Variants in ALPK1 observed in about 807,000 individuals in gnomAD.
ALPK1 encodes the protein alpha kinase 1.
A neutral mutation model predicts 120.6 loss-of-function variants in ALPK1; 110 were observed. The ratio of observed to expected loss-of-function variants is 0.91; its 90% CI spans 0.78 to 1.07. The LOEUF is 1.07. Among genes scored for constraint, ALPK1 ranks in the 50% least tolerant of loss-of-function variants. The probability of loss-of-function intolerance (pLI) is 0.00; values close to 1 mark genes in which losing one functional copy is unlikely to be tolerated. For missense variants in ALPK1, 1,498 were observed against 1,483.9 expected (o/e 1.01, Z -0.16); for synonymous variants, 582 against 560.3 (o/e 1.04, Z -0.55).
At chr4:112,435,481 C>T (rs2301714) in intron 12 of ALPK1, among the ~76,000 whole-genome samples, 180 bp downstream of exon 12, 43,677 of 151,930 alleles carry the variant, frequency 0.29, 6,681 homozygotes, top group East Asian at 0.42. Context: ...ATATTGAGGA[C>T]CCACGTTACA....
At chr4:112,321,828 T>C (rs530301618) in intron 2 of ALPK1, among the ~76,000 whole-genome samples, 2 of 152,330 alleles carry the variant, frequency 1.3e-5, no homozygotes, top group East Asian at 3.9e-4. Flanking sequence ...TTCCACAAAA[T>C]TTTCCATTTT....
At chr4:112,384,324 A>T (rs905974803) in intron 4 of ALPK1, 3 of 152,188 alleles carry the variant, frequency 2.0e-5, no homozygotes, top group African/African-American at 7.2e-5. Flanking sequence ...ATCCAGTAAC[A>T]CTTTTTGTAT....
chr4:112,380,498 T>G (rs1037560830), intron 3 of ALPK1, among the ~76,000 whole-genome samples: 1 of 152,188 alleles, frequency 6.6e-6, no homozygotes, highest in Non-Finnish European at 1.5e-5. Context: ...TGATATCCCC[T>G]CAATGCCAAA....
chr4:112,324,703 G>C (rs375147380), intron 2 of ALPK1, among the ~76,000 whole-genome samples: 10 of 151,846 alleles, frequency 6.6e-5, no homozygotes, highest in African/African-American at 2.4e-4. Context: ...CTTCAAACTC[G>C]TGGCTTCAAA....
At chr4:112,306,672 C>T (rs1728077272) in intron 1 of ALPK1, among the ~76,000 whole-genome samples, 2 of 149,868 alleles carry the variant, frequency 1.3e-5, no homozygotes, top group Admixed American at 6.7e-5. Context: ...AGTGGTCTAT[C>T]AATTTTGTTG....
chr4:112,392,108 A>G (rs1379013132), intron 4 of ALPK1, among the ~76,000 whole-genome samples: 1 of 152,054 alleles, frequency 6.6e-6, no homozygotes, highest in Non-Finnish European at 1.5e-5. Flanking sequence ...AAAACATATC[A>G]CTCTTCCCAC....
At chr4:112,353,359 C>T (rs1408181204) in intron 2 of ALPK1, among the ~76,000 whole-genome samples, 1 of 152,102 alleles carries the variant, frequency 6.6e-6, no homozygotes, top group African/African-American at 2.4e-5. Flanking sequence ...AACTGTGTCA[C>T]TATAAAGATT....
At chr4:112,311,105 G>T (rs534789209) in intron 1 of ALPK1, among the ~76,000 whole-genome samples, 2 of 152,142 alleles carry the variant, frequency 1.3e-5, no homozygotes, top group Non-Finnish European at 2.9e-5. Flanking sequence ...ACAAAAAAGC[G>T]CTCACTTGGA....
At chr4:112,303,890 C>A (rs1727902004) in intron 1 of ALPK1, among the ~76,000 whole-genome samples, 1 of 152,050 alleles carries the variant, frequency 6.6e-6, no homozygotes, top group South Asian at 2.1e-4. Context: ...CTAATGCTAT[C>A]CCTCCCCCAT....
intron 6 of ALPK1, chr4:112,425,256 G>A (rs1277435649): frequency 1.3e-5 from 2 of 159,674 alleles, no homozygotes; most frequent in African/African-American, 2.4e-5. Flanking sequence ...ATAAGACAGT[G>A]GGGGTAACAG....
chr4:112,340,788 G>C (rs956029214), intron 2 of ALPK1, among the ~76,000 whole-genome samples: 2 of 152,182 alleles, frequency 1.3e-5, no homozygotes, highest in Non-Finnish European at 2.9e-5. Context: ...TATGAGATTT[G>C]ATCAGTTTTT....
intron 2 of ALPK1, among the ~76,000 whole-genome samples, chr4:112,334,162 G>C (rs1729511284): frequency 6.6e-6 from 1 of 152,136 alleles, no homozygotes; most frequent in Admixed American, 6.5e-5. Flanking sequence ...GCCAGGCTCA[G>C]TGGCTCACGC....
At chr4:112,330,828 C>T (rs959642291) in intron 2 of ALPK1, among the ~76,000 whole-genome samples, 1 of 152,200 alleles carries the variant, frequency 6.6e-6, no homozygotes, top group Admixed American at 6.5e-5. Flanking sequence ...CTATAGCATC[C>T]TTGGCCAGAG....
Position 112,439,292 on chromosome 4 carries a change from A to C in ALPK1, c.3352-394A>C, listed in dbSNP as rs1392402576. Among the ~76,000 whole-genome samples, 3 of 152,168 alleles carry C rather than the reference A, an allele frequency of 2.0e-5. No homozygotes were observed. The East Asian group carries it at 5.8e-4, about 29-fold the overall frequency. On this transcript the variant is annotated intron_variant, in intron 13 of 15. Coordinates refer to ENST00000650871, the MANE Select transcript of ALPK1 (RefSeq NM_025144.4). ...TCACTCACTGTGCCAGGCAGTTTGC[A>C]AACCTTAACTCTAACCTTTGAAACA... is the stretch of plus-strand genomic sequence containing the variant.
chr4:112,427,591 A>G lies in ALPK1; in HGVS notation c.721A>G (p.Ile241Val). 6.2e-7 allele frequency: 1 copy of G among 1,614,030 alleles called. No individual in the cohort carries two copies. Among genetic ancestry groups the G allele is most frequent in the East Asian group, 2.2e-5 (1 of 44,874 alleles). The stretch of plus-strand genomic sequence containing the variant: ...ACAGGGCCTCTCCACGTCGCTAGGT[A>G]TACTGGCAGACATCTTTGTTTCCAT... ...DKKGLSTSLG[I>V]LADIFVSMSK... The change falls in exon 9 of 16, where the codon ATA (isoleucine) becomes GTA (valine). Residue 241 changes from isoleucine (I) to valine (V), a missense_variant. Coordinates refer to ENST00000650871, the MANE Select transcript of ALPK1 (RefSeq NM_025144.4).
chr4:112,364,509 C>A (rs1157538322), intron 2 of ALPK1, among the ~76,000 whole-genome samples: 1 of 151,830 alleles, frequency 6.6e-6, no homozygotes, highest in African/African-American at 2.4e-5. Flanking sequence ...TAGATTAAAC[C>A]AGGAAGAAAT....
intron 2 of ALPK1, among the ~76,000 whole-genome samples, chr4:112,369,630 C>T (rs62316103): frequency 6.6e-6 from 1 of 152,192 alleles, no homozygotes; most frequent in Admixed American, 6.5e-5. Context: ...TTGCAGTGAG[C>T]CGAGATTGCA....
At chr4:112,418,021 G>A (rs903910026) in intron 5 of ALPK1, among the ~76,000 whole-genome samples, 1 of 152,122 alleles carries the variant, frequency 6.6e-6, no homozygotes, top group Non-Finnish European at 1.5e-5. Flanking sequence ...AGTAATGAGG[G>A]CTTGGCTAGT....
chr4:112,437,566 G>A (rs1401495587), intron 12 of ALPK1, among the ~76,000 whole-genome samples: 2 of 152,252 alleles, frequency 1.3e-5, no homozygotes, highest in South Asian at 2.1e-4. Flanking sequence ...TAGGTCTTGC[G>A]GTCTCTCCAT....
Sources: gnomAD v4.1 joint callset for allele counts (sites outside exome capture counted in the v4.1 genomes callset) on GRCh38, gnomAD v4.1.1 for gene constraint, MANE v1.5 for transcripts, NCBI Gene and HGNC (gene_info 2026-07-23, HGNC 2026-07-21) for gene names.